Variants in PELI2 observed in about 807,000 individuals in gnomAD.
PELI2 encodes the protein pellino E3 ubiquitin protein ligase family member 2.
A neutral mutation model predicts 42.3 loss-of-function variants in PELI2; 23 were observed. The observed-to-expected ratio is 0.54, with a 90% CI of 0.39 to 0.77. PELI2 has a LOEUF of 0.77. Ranked by LOEUF, PELI2 falls within the 30% of genes least tolerant of loss-of-function variation. The pLI, the probability that PELI2 is intolerant of heterozygous loss-of-function variation, is 0.00. For synonymous variants in PELI2, 245 were observed against 212.2 expected, an observed-to-expected ratio of 1.15 and a Z score of -1.34; for missense variants, 463 against 553.2, an observed-to-expected ratio of 0.84 and a Z score of 1.64.
chr14:56,228,239 A>C (rs188921011), intron 2 of PELI2, among the ~76,000 whole-genome samples: 51 of 152,334 alleles, frequency 3.3e-4, no homozygotes, highest in African/African-American at 1.2e-3. Context: ...TTATTATTTG[A>C]AGTCAGCCAT....
chr14:56,142,980 T>C (rs1350595968), intron 1 of PELI2, among the ~76,000 whole-genome samples: 1 of 152,236 alleles, frequency 6.6e-6, no homozygotes, highest in East Asian at 1.9e-4. Flanking sequence ...ACCTGGAAAT[T>C]AGCAGTGGTA....
chr14:56,230,382 T>G (rs1207725557), intron 2 of PELI2, among the ~76,000 whole-genome samples: 2 of 152,092 alleles, frequency 1.3e-5, no homozygotes, highest in Non-Finnish European at 2.9e-5. Flanking sequence ...GGGAAGCCCA[T>G]CAGACTAACA....
intron 2 of PELI2, among the ~76,000 whole-genome samples, chr14:56,213,207 G>A (rs1236038414): frequency 2.0e-5 from 3 of 152,218 alleles, no homozygotes; most frequent in Non-Finnish European, 4.4e-5. Flanking sequence ...GTGGTTACCT[G>A]GATGGAAATG....
At chr14:56,240,574 A>C (rs1452028904) in intron 2 of PELI2, among the ~76,000 whole-genome samples, 2 of 152,124 alleles carry the variant, frequency 1.3e-5, no homozygotes, top group Non-Finnish European at 2.9e-5. Context: ...TCTTTCAAGG[A>C]GTTTGGCTGT....
At chr14:56,157,946 A>G (rs1884626203) in intron 1 of PELI2, among the ~76,000 whole-genome samples, 1 of 152,194 alleles carries the variant, frequency 6.6e-6, no homozygotes, top group Admixed American at 6.5e-5. Context: ...TCTGTGTACC[A>G]TCAAGTTTCT....
At chr14:56,149,948 C>T (rs1884277410) in intron 1 of PELI2, among the ~76,000 whole-genome samples, 1 of 152,156 alleles carries the variant, frequency 6.6e-6, no homozygotes, top group African/African-American at 2.4e-5. Flanking sequence ...TCTTGCTTCC[C>T]TCTAACTCTC....
chr14:56,262,684 C>G (rs1477991433), intron 2 of PELI2, among the ~76,000 whole-genome samples: 1 of 152,142 alleles, frequency 6.6e-6, no homozygotes, highest in African/African-American at 2.4e-5. Flanking sequence ...CCAAAGGACT[C>G]ATGGTTAGTT....
At chr14:56,209,564 T>C (rs181494829) in intron 2 of PELI2, among the ~76,000 whole-genome samples, 21 of 152,292 alleles carry the variant, frequency 1.4e-4, no homozygotes, top group Admixed American at 3.3e-4. Context: ...GTAGTATGTA[T>C]TGTGGTTACT....
At chr14:56,213,349 TG>T (rs1886777858) in intron 2 of PELI2, among the ~76,000 whole-genome samples, 1 of 152,292 alleles carries the variant, frequency 6.6e-6, no homozygotes, top group Admixed American at 6.5e-5. Flanking sequence ...CTTTGCACAG[TG>T]GAGGCAGAAG....
At chr14:56,176,695 A>G (rs1885398756) in intron 1 of PELI2, among the ~76,000 whole-genome samples, 2 of 152,166 alleles carry the variant, frequency 1.3e-5, no homozygotes, top group African/African-American at 4.8e-5. Context: ...AAGTGCATCT[A>G]CCATACAGGG....
chr14:56,278,067 G>T (rs966253989), intron 2 of PELI2, among the ~76,000 whole-genome samples: 23 of 152,286 alleles, frequency 1.5e-4, no homozygotes, highest in African/African-American at 5.5e-4. Flanking sequence ...TGTTGGAGTT[G>T]ATATATTTGT....
chr14:56,126,559 G>C (rs1439687435), intron 1 of PELI2, among the ~76,000 whole-genome samples: 2 of 152,246 alleles, frequency 1.3e-5, no homozygotes, highest in African/African-American at 4.8e-5. Flanking sequence ...TTGTGTGTTT[G>C]GCTTCTAGGC....
chr14:56,296,876 C>T lies in PELI2; in HGVS notation c.973C>T (p.Arg325Trp), dbSNP rs1391753652. ...HVHGYHNWGH[R>W]SDTEANEREC... The stretch of plus-strand genomic sequence containing the variant: ...GCACGGGTACCACAACTGGGGCCAT[C>T]GGAGTGACACGGAGGCCAACGAGAG... The change falls in exon 6 of 6, where the codon CGG becomes TGG. Residue 325 changes from arginine (R) to tryptophan (W), a missense_variant. Around this residue, in one of 3 missense-constraint regions of PELI2, gnomAD observed 103 missense variants for 129.6 expected, o/e 0.80. Coordinates refer to ENST00000267460, the MANE Select transcript of PELI2 (RefSeq NM_021255.3). The T allele has an allele frequency of 8.1e-6, 13 of 1,613,980 alleles. No homozygotes were observed. The highest frequency in any genetic ancestry group is 1.3e-5 in the African/African-American group (1 of 74,902).
At chr14:56,254,662 G>C (rs969914665) in intron 2 of PELI2, among the ~76,000 whole-genome samples, 1 of 152,130 alleles carries the variant, frequency 6.6e-6, no homozygotes, top group African/African-American at 2.4e-5. Context: ...AAACTAAAGA[G>C]CTTCTGCACA....
chr14:56,126,653 T>C (rs1883279674), intron 1 of PELI2, among the ~76,000 whole-genome samples: 1 of 152,254 alleles, frequency 6.6e-6, no homozygotes. Flanking sequence ...TTGTGCTTCC[T>C]GCTCCATGAT....
At chr14:56,241,356 G>A (rs1887969345) in intron 2 of PELI2, among the ~76,000 whole-genome samples, 1 of 152,196 alleles carries the variant, frequency 6.6e-6, no homozygotes, top group African/African-American at 2.4e-5. Context: ...AATCAATTCA[G>A]GAAGTCTGAC....
At chr14:56,182,608 G>C (rs1250346280) in intron 2 of PELI2, among the ~76,000 whole-genome samples, 1 of 151,934 alleles carries the variant, frequency 6.6e-6, no homozygotes, top group African/African-American at 2.4e-5. Context: ...TATTCCAGCT[G>C]GCCTATTTCC....
chr14:56,119,957 G>C, intron 1 of PELI2: 1 of 414,152 alleles, frequency 2.4e-6, no homozygotes, highest in South Asian at 1.0e-4. Context: ...TGAAGTAAGT[G>C]CTGACTTAAA....
intron 2 of PELI2, among the ~76,000 whole-genome samples, chr14:56,188,713 G>A (rs1202662063): frequency 6.6e-6 from 1 of 152,094 alleles, no homozygotes; most frequent in Admixed American, 6.5e-5. Flanking sequence ...AGATGTAATG[G>A]TTGATTATAT....
Sources: allele counts gnomAD v4.1 joint callset (sites outside exome capture counted in the v4.1 genomes callset), GRCh38; gene constraint gnomAD v4.1.1; regional missense constraint gnomAD v4.1.1; transcripts MANE v1.5; gene names NCBI Gene and HGNC (gene_info 2026-07-23, HGNC 2026-07-21).